Variants in METAP1 observed in about 807,000 individuals in gnomAD.
The protein encoded by METAP1 is methionine aminopeptidase 1.
METAP1 carries 28 observed loss-of-function variants against 53.8 expected under a neutral mutation model. The observed-to-expected ratio is 0.52, with a 90% CI of 0.39 to 0.71. The LOEUF (loss-of-function observed/expected upper bound fraction) is 0.71. Among genes scored for constraint, METAP1 ranks in the 30% least tolerant of loss-of-function variants. The probability of loss-of-function intolerance (pLI) is 0.00; values close to 1 mark genes in which losing one functional copy is unlikely to be tolerated. For missense variants in METAP1, 389 were observed against 479.8 expected (o/e 0.81, Z 1.77); for synonymous variants, 181 against 165.7 (o/e 1.09, Z -0.71).
chr4:99,046,967 A>G (rs895315701), intron 8 of METAP1, among the ~76,000 whole-genome samples: 141 of 151,766 alleles, frequency 9.3e-4, no homozygotes, highest in Non-Finnish European at 1.4e-3. Context: ...AAGAAAAAGA[A>G]AAAACCAGAT....
intron 2 of METAP1, chr4:99,031,623 A>T: frequency 8.0e-7 from 1 of 1,254,798 alleles, no homozygotes; most frequent in Non-Finnish European, 1.0e-6. Flanking sequence ...GATTAAATAA[A>T]GAAATCCATG....
chr4:99,040,264 A>G (rs1047215150), intron 5 of METAP1, among the ~76,000 whole-genome samples: 1 of 152,190 alleles, frequency 6.6e-6, no homozygotes, highest in African/African-American at 2.4e-5. Flanking sequence ...AATACCTATG[A>G]TGAGTGGTAG....
chr4:99,033,843 G>A (rs1725235399), intron 2 of METAP1, among the ~76,000 whole-genome samples: 1 of 152,050 alleles, frequency 6.6e-6, no homozygotes, highest in Non-Finnish European at 1.5e-5. Flanking sequence ...ACCTCAGTTG[G>A]GTAGGTTTTA....
At chr4:99,059,667 A>C (rs1257836139) in intron 10 of METAP1, among the ~76,000 whole-genome samples, 31 of 152,072 alleles carry the variant, frequency 2.0e-4, no homozygotes, top group Admixed American at 2.0e-3. Flanking sequence ...TGCCTTTCTC[A>C]TTCCACCTCT....
intron 9 of METAP1, among the ~76,000 whole-genome samples, chr4:99,054,609 A>G (rs1178438830): frequency 6.6e-6 from 1 of 152,224 alleles, no homozygotes; most frequent in Non-Finnish European, 1.5e-5. Context: ...ACTCTTTGGA[A>G]CAAGAGACCT....
At chr4:99,021,596 G>A (rs1724112812) in intron 1 of METAP1, among the ~76,000 whole-genome samples, 1 of 151,528 alleles carries the variant, frequency 6.6e-6, no homozygotes, top group African/African-American at 2.4e-5. Flanking sequence ...CTGCAGAAAG[G>A]GTACACTCAC....
intron 1 of METAP1, among the ~76,000 whole-genome samples, chr4:99,001,246 C>A (rs1026520968): frequency 6.6e-6 from 1 of 152,166 alleles, no homozygotes; most frequent in African/African-American, 2.4e-5. Context: ...CACCCTTAAA[C>A]ACTCCTGTAA....
intron 1 of METAP1, chr4:99,023,776 TGATA>T: frequency 1.0e-6 from 1 of 985,312 alleles, no homozygotes; most frequent in Non-Finnish European, 1.2e-6. Flanking sequence ...CTGGTTAATT[TGATA>T]GATACTAAAG....
Position 99,057,764 on chromosome 4 carries a change from G to T in METAP1, c.943G>T (p.Val315Phe). 1 of 1,590,040 alleles carries T rather than the reference G, an allele frequency of 6.3e-7. No homozygotes were observed. The highest frequency in any genetic ancestry group is 8.6e-7 in the Non-Finnish European group (1 of 1,167,380). ...TTCTTTGATTTCAGAAAATAAAGCA[G>T]TTGGAGTGATGAAGTCGGGCCATGT... ...NVPHYAKNKAVGVMKSGHVFT... is the reference protein window; with the variant it reads ...NVPHYAKNKAFGVMKSGHVFT... The change falls in exon 10 of 11, where the codon GTT becomes TTT. Residue 315 changes from valine (V) to phenylalanine (F), a missense_variant. Transcript: ENST00000296411.
intron 8 of METAP1, among the ~76,000 whole-genome samples, chr4:99,046,487 C>T (rs1422777265): frequency 2.0e-5 from 3 of 152,144 alleles, no homozygotes; most frequent in Non-Finnish European, 4.4e-5. Flanking sequence ...GGCAAACAGC[C>T]TTCTGGTTAA....
intron 1 of METAP1, among the ~76,000 whole-genome samples, chr4:99,010,971 A>T (rs1328344170): frequency 6.6e-6 from 1 of 151,340 alleles, no homozygotes; most frequent in African/African-American, 2.4e-5. Context: ...AAAATTATTC[A>T]TTGTTAGTGT....
chr4:99,042,125 C>T (rs934854950), intron 6 of METAP1, among the ~76,000 whole-genome samples: 3 of 151,872 alleles, frequency 2.0e-5, no homozygotes, highest in Admixed American at 6.6e-5. Flanking sequence ...GTAAAAGTTA[C>T]ACAACTTGTA....
chr4:99,013,292 C>T (rs1723575276), intron 1 of METAP1, among the ~76,000 whole-genome samples: 1 of 152,056 alleles, frequency 6.6e-6, no homozygotes, highest in Non-Finnish European at 1.5e-5. Flanking sequence ...GAAATTATTT[C>T]TTCCCAACCC....
chr4:99,013,790 A>G (rs1296967248), intron 1 of METAP1, among the ~76,000 whole-genome samples: 1 of 152,248 alleles, frequency 6.6e-6, no homozygotes, highest in Non-Finnish European at 1.5e-5. Flanking sequence ...TCTGGGACTC[A>G]TTTAGCCTTA....
At chr4:99,049,730 G>A (rs1307869392) in intron 9 of METAP1, among the ~76,000 whole-genome samples, 1 of 152,088 alleles carries the variant, frequency 6.6e-6, no homozygotes, top group African/African-American at 2.4e-5. Flanking sequence ...ATCTCCTTGT[G>A]CTTAATTTTT....
chr4:99,025,217 A>G (rs1724476921), intron 1 of METAP1: 1 of 293,600 alleles, frequency 3.4e-6, no homozygotes, highest in Admixed American at 6.5e-5. Context: ...AGTTTTTCCC[A>G]AAGTTAGTTT....
chr4:99,026,883 A>T (rs941570619), intron 1 of METAP1: 4 of 983,850 alleles, frequency 4.1e-6, no homozygotes, highest in African/African-American at 3.5e-5. Flanking sequence ...GGTGTTTATT[A>T]TGAATATTTT....
At chr4:98,995,950 G>T in intron 1 of METAP1, 83 bp downstream of exon 1, 1 of 1,139,406 alleles carries the variant, frequency 8.8e-7, no homozygotes, top group Non-Finnish European at 1.3e-6. Context: ...CCGCCCTTGC[G>T]GCGAGTCGGG....
In METAP1 at chr4:99,034,892, G is replaced by T. The variant is rs147579833; in HGVS notation, c.280-508G>T. Among the ~76,000 whole-genome samples the T allele has an allele frequency of 1.7e-3, 261 of 152,214 alleles. 2 individuals carry two copies. The highest frequency in any genetic ancestry group is 6.0e-3 in the African/African-American group (248 of 41,532). The stretch of plus-strand genomic sequence containing the variant: ...CTCTATTCTTGGCAGATAGGACTTG[G>T]AGTCTTAATGTAAGAATTCATTCAA... On this transcript the variant is annotated intron_variant, in intron 3 of 10. Coordinates refer to ENST00000296411, the MANE Select transcript of METAP1 (RefSeq NM_015143.3).
Sources: gnomAD v4.1 joint callset for allele counts (sites outside exome capture counted in the v4.1 genomes callset) on GRCh38, gnomAD v4.1.1 for gene constraint, MANE v1.5 for transcripts, NCBI Gene and HGNC (gene_info 2026-07-23, HGNC 2026-07-21) for gene names.